The following TBC1D1 variants were observed in gnomAD, a reference collection of about 807,000 sequenced individuals.
TBC1D1 encodes TBC1 domain family member 1, also known as TBC1 (tre-2/USP6, BUB2, cdc16) domain family, member 1.
In TBC1D1, 89 loss-of-function variants were observed where a neutral mutation model predicts 125.6. The ratio of observed to expected loss-of-function variants is 0.71; its 90% CI spans 0.60 to 0.85. The LOEUF (loss-of-function observed/expected upper bound fraction) is 0.85, where lower values mean the gene tolerates loss of function less well. Ranked by LOEUF, TBC1D1 falls within the 40% of genes least tolerant of loss-of-function variation. The pLI, the probability that TBC1D1 is intolerant of heterozygous loss-of-function variation, is 0.00. For missense variants in TBC1D1, 1,377 were observed against 1,469.2 expected (o/e 0.94, Z 1.03); for synonymous variants, 565 against 564.1 (o/e 1.00, Z -0.02).
At chr4:37,930,072 G>A (rs1292279124) in intron 2 of TBC1D1, among the ~76,000 whole-genome samples, 2 of 152,182 alleles carry the variant, frequency 1.3e-5, no homozygotes, top group African/African-American at 4.8e-5. Flanking sequence ...AAAGTTGACA[G>A]CAACGTGGTT....
At chr4:38,071,620 G>T (rs974934699) in intron 12 of TBC1D1, among the ~76,000 whole-genome samples, 1 of 152,128 alleles carries the variant, frequency 6.6e-6, no homozygotes, top group Non-Finnish European at 1.5e-5. Flanking sequence ...CCACTGTAGG[G>T]CAGAAATGGT....
chr4:38,116,641 C>T (rs1763031403), intron 16 of TBC1D1, among the ~76,000 whole-genome samples: 1 of 152,130 alleles, frequency 6.6e-6, no homozygotes, highest in African/African-American at 2.4e-5. Flanking sequence ...AGTAGGCACC[C>T]CATAAGTATT....
At chr4:37,962,691 G>A (rs4144805) in intron 2 of TBC1D1, among the ~76,000 whole-genome samples, 95,602 of 152,074 alleles carry the variant, frequency 0.63, 30,897 homozygotes, top group East Asian at 0.96. Context: ...TGGTATCTTT[G>A]CAGTTCTAAT....
intron 13 of TBC1D1, among the ~76,000 whole-genome samples, chr4:38,093,078 A>G (rs1195895712): frequency 6.6e-6 from 1 of 152,212 alleles, no homozygotes; most frequent in Non-Finnish European, 1.5e-5. Flanking sequence ...CATTGAGCAT[A>G]AAGACATTAT....
intron 12 of TBC1D1, among the ~76,000 whole-genome samples, chr4:38,078,626 C>T (rs890688687): frequency 6.6e-6 from 1 of 152,196 alleles, no homozygotes; most frequent in Non-Finnish European, 1.5e-5. Flanking sequence ...TCTCTCTTCA[C>T]CCTGTGAGGA....
intron 11 of TBC1D1, among the ~76,000 whole-genome samples, chr4:38,052,728 G>GCACACACACA (rs56153191): frequency 0.023 from 2,679 of 118,240 alleles, 41 homozygotes; most frequent in Non-Finnish European, 0.031. Flanking sequence ...GCGCGCGCGC[G>GCACACACACA]CACACACACA....
At chr4:38,053,263 C>G in intron 11 of TBC1D1, 38 bp downstream of exon 13, 1 of 1,388,454 alleles carries the variant, frequency 7.2e-7, no homozygotes, top group Non-Finnish European at 9.4e-7. Flanking sequence ...CTGGGTGTTA[C>G]TAAGTGTTGA....
chr4:38,062,237 T>A (rs1248512386), intron 12 of TBC1D1, among the ~76,000 whole-genome samples: 1 of 151,980 alleles, frequency 6.6e-6, no homozygotes, highest in African/African-American at 2.4e-5. Flanking sequence ...TGATTGCCCT[T>A]GTTTCTTTCC....
chr4:38,033,623 G>A (rs1256348222), intron 7 of TBC1D1, among the ~76,000 whole-genome samples: 4 of 152,166 alleles, frequency 2.6e-5, no homozygotes, highest in African/African-American at 2.4e-5. Context: ...TGTGGGTTGT[G>A]ACAGATGCTT....
chr4:38,089,896 A>C, intron 12 of TBC1D1, 36 bp from the exon 15 acceptor site: 11 of 1,531,984 alleles, frequency 7.2e-6, no homozygotes, highest in Non-Finnish European at 9.6e-6. Context: ...TTTTTGTTGA[A>C]AAATGACAAT....
chr4:37,914,349 C>G (rs1368575927), intron 2 of TBC1D1, among the ~76,000 whole-genome samples: 2 of 152,196 alleles, frequency 1.3e-5, no homozygotes, highest in African/African-American at 2.4e-5. Context: ...GTTTCTTTCC[C>G]AGTCTTCTTC....
chr4:37,937,337 G>A (rs571340204), intron 2 of TBC1D1, among the ~76,000 whole-genome samples: 81 of 152,266 alleles, frequency 5.3e-4, no homozygotes, highest in African/African-American at 1.5e-3. Flanking sequence ...CTAAGAAGAC[G>A]GTCGTTCAAT....
chr4:38,063,743 C>T (rs1753183868), intron 12 of TBC1D1, among the ~76,000 whole-genome samples: 2 of 152,028 alleles, frequency 1.3e-5, no homozygotes, highest in South Asian at 4.2e-4. Context: ...ATTCTCATGC[C>T]TCAGCGACCT....
intron 2 of TBC1D1, among the ~76,000 whole-genome samples, chr4:37,928,656 A>G (rs1263534647): frequency 6.6e-6 from 1 of 152,250 alleles, no homozygotes; most frequent in Non-Finnish European, 1.5e-5. Context: ...TGTCTGCACA[A>G]TAAACAGCCG....
intron 2 of TBC1D1, among the ~76,000 whole-genome samples, chr4:37,940,263 G>A (rs953172630): frequency 2.6e-5 from 4 of 152,034 alleles, no homozygotes; most frequent in Non-Finnish European, 5.9e-5. Context: ...GGATTCCTAG[G>A]TATTTTATTC....
intron 7 of TBC1D1, among the ~76,000 whole-genome samples, chr4:38,035,242 T>A (rs1230848305): frequency 6.6e-6 from 1 of 152,238 alleles, no homozygotes; most frequent in East Asian, 1.9e-4. Context: ...TGTCAATGTT[T>A]GGTCATCATG....
intron 2 of TBC1D1, among the ~76,000 whole-genome samples, chr4:37,933,177 C>T (rs1723650162): frequency 6.6e-6 from 1 of 151,886 alleles, no homozygotes; most frequent in Admixed American, 6.6e-5. Flanking sequence ...AAATTTCGAC[C>T]CTTTCAGTTT....
chr4:38,040,465 A>G (rs976897708), intron 8 of TBC1D1, among the ~76,000 whole-genome samples: 3 of 151,916 alleles, frequency 2.0e-5, no homozygotes, highest in East Asian at 1.9e-4. Context: ...ATTTTTGTAT[A>G]TTTAGTAGAG....
chr4:38,040,932 T>G (rs1314645982), intron 8 of TBC1D1, among the ~76,000 whole-genome samples: 1 of 152,210 alleles, frequency 6.6e-6, no homozygotes, highest in African/African-American at 2.4e-5. Context: ...CATTGCTCAT[T>G]CACTCATTTT....
Sources: allele counts gnomAD v4.1 joint callset (sites outside exome capture counted in the v4.1 genomes callset), GRCh38; gene constraint gnomAD v4.1.1; transcripts MANE v1.5; gene names NCBI Gene and HGNC (gene_info 2026-07-23, HGNC 2026-07-21).